Variants in FMN1 observed in about 807,000 individuals in gnomAD.
The protein encoded by FMN1 is formin-1.
A neutral mutation model predicts 132.4 loss-of-function variants in FMN1; 110 were observed. The observed-to-expected ratio is 0.83, with a 90% CI of 0.71 to 0.97. The LOEUF is 0.97. Ranked by LOEUF, FMN1 falls within the 50% of genes least tolerant of loss-of-function variation. The pLI is 0.00. For missense variants in FMN1, 1,792 were observed against 1,705.3 expected (o/e 1.05, Z -0.90); for synonymous variants, 722 against 651.7 (o/e 1.11, Z -1.64).
intron 7 of FMN1, among the ~76,000 whole-genome samples, chr15:32,974,265 A>G (rs1395395230): frequency 6.6e-6 from 1 of 152,196 alleles, no homozygotes; most frequent in Non-Finnish European, 1.5e-5. Flanking sequence ...TGACCCCAAT[A>G]CATCATTTGA....
At chr15:32,951,777 G>A (rs760984489) in intron 9 of FMN1, among the ~76,000 whole-genome samples, 17 of 152,106 alleles carry the variant, frequency 1.1e-4, no homozygotes, top group Non-Finnish European at 1.9e-4. Context: ...TGTACGAAGG[G>A]GCCTTAGAAA....
At chr15:33,113,958 C>T (rs1566927491) in intron 4 of FMN1, among the ~76,000 whole-genome samples, 1 of 152,214 alleles carries the variant, frequency 6.6e-6, no homozygotes, top group Non-Finnish European at 1.5e-5. Context: ...AGCCACCTAC[C>T]TGCTCCTTAG....
At chr15:32,989,121 T>A (rs1045699526) in intron 7 of FMN1, among the ~76,000 whole-genome samples, 1 of 143,044 alleles carries the variant, frequency 7.0e-6, no homozygotes, top group South Asian at 2.4e-4. Flanking sequence ...CACTTTGGTT[T>A]ACATCCAGTT....
rs767420944 is a variant in FMN1, at chr15:32,908,575, C to A, written c.3292G>T (p.Ala1098Ser). The A allele has an allele frequency of 1.4e-6, 2 of 1,452,306 alleles. No homozygotes were observed. Among genetic ancestry groups the A allele is most frequent in the Middle Eastern group, 2.0e-4 (1 of 5,124 alleles). The allele number at this position is 1,452,306 out of a possible 1,614,324, so 90.0% of individuals were successfully genotyped here. A position where few individuals can be genotyped will look rare whatever the true frequency, so the allele number is the denominator to read the frequency against. ...ATTTTAACCAGCTCATCCTCTTGGG[C>A]TCTCTGTATCAAAATAGAAAACAAA... ...ETLAALYENR[A>S]QEDELVKIRK... Residue 1098 changes from alanine to serine, a missense_variant, in exon 12 of 21, where the codon GCC (alanine) becomes TCC (serine). Ala to Ser is a moderately conservative substitution (Grantham distance 99, BLOSUM62 1). Coordinates refer to ENST00000616417, the MANE Select transcript of FMN1 (RefSeq NM_001277313.2).
Position 32,996,146 on chromosome 15 carries a change from A to C in FMN1, c.2223+11868T>G, listed in dbSNP as rs183938817. ...ATTGTGGCCCAGTCCCACCTAAGCT[A>C]TCCCAACAGTTGTAATCAGTCAAAA... On this transcript the variant is annotated intron_variant, in intron 7 of 20. Coordinates refer to ENST00000616417, the MANE Select transcript of FMN1 (RefSeq NM_001277313.2). Among the ~76,000 whole-genome samples, 292 of 152,340 alleles carry C rather than the reference A, an allele frequency of 1.9e-3. 1 individual carries two copies. The highest frequency in any genetic ancestry group is 3.5e-3 in the Non-Finnish European group (237 of 68,034).
At chr15:33,042,092 GAATT>G (rs1358332505) in intron 6 of FMN1, among the ~76,000 whole-genome samples, 4 of 151,858 alleles carry the variant, frequency 2.6e-5, no homozygotes, top group African/African-American at 4.8e-5. Flanking sequence ...CATAAAGTCA[GAATT>G]AATAGAAACA....
At chr15:32,870,542 G>A (rs752930000) in intron 16 of FMN1, among the ~76,000 whole-genome samples, 1 of 152,218 alleles carries the variant, frequency 6.6e-6, no homozygotes, top group Non-Finnish European at 1.5e-5. Flanking sequence ...GACTTGCAAA[G>A]CTGGGCCACT....
chr15:33,002,835 G>T (rs2034195896), intron 7 of FMN1, among the ~76,000 whole-genome samples: 1 of 152,128 alleles, frequency 6.6e-6, no homozygotes, highest in Admixed American at 6.5e-5. Flanking sequence ...TAGAGAAGAG[G>T]GTTGCTGGTT....
chr15:33,105,933 G>A (rs903493787), intron 4 of FMN1: 1 of 152,080 alleles, frequency 6.6e-6, no homozygotes, highest in Non-Finnish European at 1.5e-5. Flanking sequence ...GTTATGCCTG[G>A]TAGAGCTGAG....
intron 3 of FMN1, among the ~76,000 whole-genome samples, chr15:33,164,161 TGA>T (rs949918982): frequency 2.6e-5 from 4 of 152,154 alleles, no homozygotes; most frequent in African/African-American, 4.8e-5. Flanking sequence ...GCACTGAAAT[TGA>T]GAGAGTTTAC....
chr15:32,972,869 T>C (rs1360808679), intron 7 of FMN1, among the ~76,000 whole-genome samples: 3 of 152,192 alleles, frequency 2.0e-5, no homozygotes, highest in African/African-American at 7.2e-5. Context: ...AGTGAACTCA[T>C]TGTTGCCGAA....
intron 9 of FMN1, among the ~76,000 whole-genome samples, chr15:32,958,726 G>A (rs768647921): frequency 6.6e-6 from 1 of 152,098 alleles, no homozygotes; most frequent in East Asian, 1.9e-4. Context: ...ATGTGCTGAG[G>A]GATGAAGACC....
At chr15:33,129,958 A>G (rs1207646010) in intron 4 of FMN1, among the ~76,000 whole-genome samples, 4 of 152,032 alleles carry the variant, frequency 2.6e-5, no homozygotes, top group Admixed American at 6.6e-5. Context: ...ATGCCCAGCC[A>G]ATTTTTTTTG....
intron 9 of FMN1, among the ~76,000 whole-genome samples, chr15:32,948,269 A>T (rs1449794150): frequency 6.6e-6 from 1 of 151,870 alleles, no homozygotes; most frequent in East Asian, 1.9e-4. Flanking sequence ...GCCAGTCTGG[A>T]ATAAATCAGT....
chr15:33,023,834 G>A (rs943459788), intron 6 of FMN1, among the ~76,000 whole-genome samples: 9 of 152,196 alleles, frequency 5.9e-5, no homozygotes, highest in East Asian at 5.8e-4. Flanking sequence ...GTGGGGGAGG[G>A]ATAGACTATT....
intron 10 of FMN1, among the ~76,000 whole-genome samples, chr15:32,920,559 C>T (rs1233959844): frequency 6.6e-6 from 1 of 152,178 alleles, no homozygotes; most frequent in Non-Finnish European, 1.5e-5. Flanking sequence ...CTAGCCCTAT[C>T]CGCTTACCAC....
intron 6 of FMN1, among the ~76,000 whole-genome samples, chr15:33,058,118 CTGGTGGAGGAGGCTGAAGCCAGGA>C (rs1566875350): frequency 8.9e-6 from 1 of 112,466 alleles, no homozygotes; most frequent in African/African-American, 2.6e-5. Context: ...GGCGGGGCTG[CTGGTGGAGGAGGCTGAAGCCAGGA>C]TGGTGGAGAG....
At chr15:32,825,192 C>T (rs2058333405) in intron 17 of FMN1, among the ~76,000 whole-genome samples, 1 of 152,206 alleles carries the variant, frequency 6.6e-6, no homozygotes. Flanking sequence ...CTACTTTTGC[C>T]TCTGTGCATT....
intron 7 of FMN1, chr15:32,970,612 A>T (rs2031699883): frequency 6.6e-6 from 1 of 152,266 alleles, no homozygotes; most frequent in Non-Finnish European, 1.5e-5. Flanking sequence ...GAACACCTAA[A>T]GCATGCACAA....
Sources: allele counts gnomAD v4.1 joint callset (sites outside exome capture counted in the v4.1 genomes callset), GRCh38; gene constraint gnomAD v4.1.1; transcripts MANE v1.5; gene names NCBI Gene and HGNC (gene_info 2026-07-23, HGNC 2026-07-21).